Variants in GRK5 observed in about 807,000 individuals in gnomAD.
GRK5 encodes g protein-coupled receptor kinase GRK5.
A neutral mutation model predicts 78.4 loss-of-function variants in GRK5; 40 were observed. That is an observed-to-expected ratio of 0.51 (90% CI 0.40 to 0.66). GRK5 has a LOEUF of 0.66. Among genes scored for constraint, GRK5 ranks in the 30% least tolerant of loss-of-function variants. The pLI is 0.00. For synonymous variants in GRK5, 289 were observed against 296.8 expected (o/e 0.97, Z 0.27); for missense variants, 598 against 759.9 (o/e 0.79, Z 2.50).
At chr10:119,311,737 G>T (rs965521627) in intron 1 of GRK5, among the ~76,000 whole-genome samples, 3 of 151,350 alleles carry the variant, frequency 2.0e-5, no homozygotes, top group African/African-American at 7.3e-5. Flanking sequence ...AGTGAACTGA[G>T]ATTGCTCTAC....
At chr10:119,333,284 T>C (rs1305673964) in intron 2 of GRK5, 1 of 153,976 alleles carries the variant, frequency 6.5e-6, no homozygotes, top group Non-Finnish European at 1.4e-5. Context: ...CCCCTCCCCC[T>C]GCCCACCATC....
At chr10:119,405,891 T>A (rs1164276351) in intron 4 of GRK5, among the ~76,000 whole-genome samples, 1 of 152,228 alleles carries the variant, frequency 6.6e-6, no homozygotes, top group Non-Finnish European at 1.5e-5. Context: ...TTAAAATAGA[T>A]GCGTTTTAAA....
intron 3 of GRK5, among the ~76,000 whole-genome samples, chr10:119,383,866 C>T: frequency 6.6e-6 from 1 of 152,178 alleles, no homozygotes; most frequent in East Asian, 1.9e-4. Context: ...ATAGCAGTTG[C>T]AGGCCACAGT....
chr10:119,402,763 A>G (rs1021564566), intron 4 of GRK5, among the ~76,000 whole-genome samples: 1 of 152,226 alleles, frequency 6.6e-6, no homozygotes, highest in African/African-American at 2.4e-5. Context: ...CTGAGGTACA[A>G]GAATCGCTTG....
intron 2 of GRK5, among the ~76,000 whole-genome samples, chr10:119,353,229 A>T (rs751453670): frequency 1.3e-5 from 2 of 152,164 alleles, no homozygotes; most frequent in African/African-American, 2.4e-5. Flanking sequence ...AATGGGAGCC[A>T]GGGGTGGGAT....
intron 1 of GRK5, among the ~76,000 whole-genome samples, chr10:119,232,668 C>T (rs1214968591): frequency 6.6e-6 from 1 of 152,174 alleles, no homozygotes; most frequent in Middle Eastern, 3.2e-3. Flanking sequence ...CACAAGCTCT[C>T]TTTGCCTGCT....
intron 13 of GRK5, among the ~76,000 whole-genome samples, chr10:119,448,918 G>T (rs1189675110): frequency 1.3e-5 from 2 of 152,232 alleles, no homozygotes; most frequent in African/African-American, 4.8e-5. Flanking sequence ...CCAGGCAGAG[G>T]CTGGGTGATC....
At chr10:119,222,961 G>A (rs1848680240) in intron 1 of GRK5, among the ~76,000 whole-genome samples, 1 of 152,214 alleles carries the variant, frequency 6.6e-6, no homozygotes, top group Non-Finnish European at 1.5e-5. Flanking sequence ...GGGCAGCTCT[G>A]CAACTCTAAC....
chr10:119,415,115 A>AAGAAATGGC (rs1187922296), intron 4 of GRK5, among the ~76,000 whole-genome samples: 3 of 151,852 alleles, frequency 2.0e-5, no homozygotes, highest in African/African-American at 7.2e-5. Flanking sequence ...AAAAAGAAAA[A>AAGAAATGGC]AGAAATGGCA....
At chr10:119,225,011 T>G (rs1848712347) in intron 1 of GRK5, among the ~76,000 whole-genome samples, 1 of 152,148 alleles carries the variant, frequency 6.6e-6, no homozygotes, top group African/African-American at 2.4e-5. Context: ...GAATAAAATT[T>G]GATGTTAATT....
At chr10:119,224,385 ATTTATTATTTAT>A (rs1413333712) in intron 1 of GRK5, among the ~76,000 whole-genome samples, 2 of 121,922 alleles carry the variant, frequency 1.6e-5, no homozygotes, top group Non-Finnish European at 3.6e-5. Context: ...TTATTTATTA[ATTTATTATTTAT>A]TTATTTATTT....
At position 119,271,647 on chromosome 10, in the gene GRK5, A is replaced by C. The variant is rs1849584846; in HGVS notation, c.53-54869A>C. On this transcript the variant is annotated intron_variant, in intron 1 of 15. Transcript: ENST00000392870. The surrounding 1 kb of genome is among the most constrained non-coding windows in gnomAD (Gnocchi z 4.1). ...CTGGTGTGTGCGGGGTTTTGTCGCCACCTTTGGCAATGGAAGAGGGGAACG... is the reference window on the plus strand; with the variant it reads ...CTGGTGTGTGCGGGGTTTTGTCGCCCCCTTTGGCAATGGAAGAGGGGAACG... Among the ~76,000 whole-genome samples, 1 of 152,080 alleles carries C rather than the reference A, an allele frequency of 6.6e-6. No homozygotes were observed. Among genetic ancestry groups the C allele is most frequent in the African/African-American group, 2.4e-5 (1 of 41,404 alleles).
chr10:119,401,168 C>T (rs1282816285), intron 4 of GRK5, among the ~76,000 whole-genome samples: 2 of 152,272 alleles, frequency 1.3e-5, no homozygotes, highest in Admixed American at 6.5e-5. Flanking sequence ...CCACGCTTGG[C>T]GAGCTCACAT....
chr10:119,308,825 T>TG (rs1287193254), intron 1 of GRK5, among the ~76,000 whole-genome samples: 10 of 152,082 alleles, frequency 6.6e-5, no homozygotes, highest in Non-Finnish European at 1.0e-4. Context: ...CCTGAGATCC[T>TG]GGGCAGGTCC....
At chr10:119,446,101 C>A (rs1853143100) in intron 12 of GRK5, among the ~76,000 whole-genome samples, 1 of 152,164 alleles carries the variant, frequency 6.6e-6, no homozygotes, top group Non-Finnish European at 1.5e-5. Flanking sequence ...CCTTCCAGCC[C>A]ATCTGTACCC....
At chr10:119,239,598 G>T (rs186020757) in intron 1 of GRK5, among the ~76,000 whole-genome samples, 3 of 152,186 alleles carry the variant, frequency 2.0e-5, no homozygotes, top group Non-Finnish European at 4.4e-5. Flanking sequence ...TTGTTACATA[G>T]GTATACATGT....
chr10:119,454,123 T>C (rs7907285), intron 15 of GRK5, among the ~76,000 whole-genome samples: 25,874 of 152,144 alleles, frequency 0.17, 2,640 homozygotes, highest in East Asian at 0.31. Flanking sequence ...ACTCAGCCAG[T>C]GATAATATAA....
intron 3 of GRK5, among the ~76,000 whole-genome samples, chr10:119,388,934 C>T (rs1851842734): frequency 6.6e-6 from 1 of 152,176 alleles, no homozygotes; most frequent in Non-Finnish European, 1.5e-5. Context: ...TGGCTTTCTC[C>T]AGAGCAAGCA....
intron 1 of GRK5, among the ~76,000 whole-genome samples, chr10:119,314,164 C>G (rs901885918): frequency 6.6e-6 from 1 of 152,248 alleles, no homozygotes; most frequent in Non-Finnish European, 1.5e-5. Flanking sequence ...TACCCCGTGG[C>G]TTTTGCCCCC....
Sources: gnomAD v4.1 joint callset for allele counts (sites outside exome capture counted in the v4.1 genomes callset) on GRCh38, gnomAD v4.1.1 for gene constraint, Gnocchi (gnomAD v3.1) non-coding constraint, MANE v1.5 for transcripts, NCBI Gene and HGNC (gene_info 2026-07-23, HGNC 2026-07-21) for gene names.